The following MALT1 variants were observed in gnomAD, a reference collection of about 807,000 sequenced individuals.
The protein encoded by MALT1 is MALT1 paracaspase.
In MALT1, 36 loss-of-function variants were observed where a neutral mutation model predicts 85.5. The observed-to-expected ratio is 0.42, with a 90% CI of 0.32 to 0.56. MALT1 has a LOEUF of 0.56. Among genes scored for constraint, MALT1 ranks in the 20% least tolerant of loss-of-function variants. The probability of loss-of-function intolerance (pLI) is 0.10; values close to 1 mark genes in which losing one functional copy is unlikely to be tolerated. For synonymous variants in MALT1, 359 were observed against 361.3 expected (o/e 0.99, Z 0.07); for missense variants, 716 against 981.6 (o/e 0.73, Z 3.62).
intron 2 of MALT1, among the ~76,000 whole-genome samples, chr18:58,696,073 A>G (rs1380664845): frequency 2.0e-5 from 3 of 152,258 alleles, no homozygotes; most frequent in South Asian, 2.1e-4. Context: ...AATATGGGGG[A>G]AAAAAGCTTC....
At chr18:58,701,149 ATATG>A (rs1436145846) in intron 4 of MALT1, among the ~76,000 whole-genome samples, 1 of 61,244 alleles carries the variant, frequency 1.6e-5, no homozygotes, top group African/African-American at 3.0e-5. Flanking sequence ...ACACACACAT[ATATG>A]TGTGTGTGCA....
chr18:58,679,536 C>T (rs1013417579), intron 1 of MALT1, among the ~76,000 whole-genome samples: 1 of 152,224 alleles, frequency 6.6e-6, no homozygotes, highest in African/African-American at 2.4e-5. Flanking sequence ...TTTCTAGGTA[C>T]TTAGAAGTAC....
rs1418103436 is a variant in MALT1 at position 58,709,444 on chromosome 18, T to G, written c.716T>G (p.Met239Arg). 2 of 1,612,752 alleles carry G rather than the reference T, an allele frequency of 1.2e-6. No homozygotes were observed. Among genetic ancestry groups the G allele is most frequent in the Admixed American group, 1.7e-5 (1 of 59,792 alleles). ...ICVEPTSQKL[M>R]PGSTLVLQCV... Reference sequence around the variant, plus strand: ...GTTGAACCAACTTCCCAAAAGCTGATGCCAGGCAGCACATTGGTTTTACAG... The same window carrying G: ...GTTGAACCAACTTCCCAAAAGCTGAGGCCAGGCAGCACATTGGTTTTACAG... The change falls in exon 5 of 17, where the codon ATG becomes AGG. Residue 239 changes from methionine to arginine, a missense_variant. Physicochemically the swap from Met to Arg is moderately conservative, Grantham distance 91 (BLOSUM62 -1). Around this residue, in one of 4 missense-constraint regions of MALT1, gnomAD observed 290 missense variants for 380.5 expected, o/e 0.76. Coordinates refer to ENST00000649217, the MANE Select transcript of MALT1 (RefSeq NM_006785.4).
At chr18:58,727,767 G>C (rs1197578410) in intron 10 of MALT1, among the ~76,000 whole-genome samples, 1 of 152,114 alleles carries the variant, frequency 6.6e-6, no homozygotes, top group Non-Finnish European at 1.5e-5. Flanking sequence ...TATAGAGACA[G>C]TATCATATAG....
intron 3 of MALT1, among the ~76,000 whole-genome samples, chr18:58,699,419 T>C (rs1205896985): frequency 6.6e-6 from 1 of 152,170 alleles, no homozygotes; most frequent in African/African-American, 2.4e-5. Context: ...CAAAATACTC[T>C]TGCTTTGGTG....
intron 2 of MALT1, 63 bp downstream of exon 2, chr18:58,681,399 C>G (rs2054320703): frequency 6.2e-6 from 9 of 1,459,602 alleles, no homozygotes; most frequent in Non-Finnish European, 9.3e-7. Context: ...AAGAAATTAT[C>G]TCTTTTGACC....
chr18:58,731,848 T>C (rs970113779), intron 10 of MALT1, among the ~76,000 whole-genome samples: 1 of 152,184 alleles, frequency 6.6e-6, no homozygotes, highest in African/African-American at 2.4e-5. Flanking sequence ...ACTTTGTCCT[T>C]CTTTTTTGTT....
Position 58,734,323 on chromosome 18 carries a change from AC to A in MALT1, c.1419del (p.Ile474PhefsTer7). 1 of 1,612,864 alleles carries A rather than the reference AC, an allele frequency of 6.2e-7. No homozygotes were observed. Among genetic ancestry groups the A allele is most frequent in the Non-Finnish European group, 8.5e-7 (1 of 1,178,836 alleles). On this transcript the variant is annotated frameshift_variant, in exon 12 of 17. Transcript: ENST00000649217. LOFTEE classifies it high-confidence loss of function. ...CTTAAATAGAAATGACTACGATGAT[AC>A]CATTCCAATCTTGGATGCACTAAAA... ...MCRKRNDYDD[T>X]IPILDALKVT...
At chr18:58,691,043 A>C (rs2054490712) in intron 2 of MALT1, 2 of 266,626 alleles carry the variant, frequency 7.5e-6, no homozygotes. Flanking sequence ...CACCACCTGG[A>C]ATTGTGTCTG....
At position 58,681,330 on chromosome 18, in the gene MALT1, C is replaced by A. The variant is rs1000959871; in HGVS notation, c.370C>A (p.Pro124Thr). The change falls in exon 2 of 17, where the codon CCC becomes ACC. Residue 124 changes from proline to threonine, a missense_variant. By Grantham distance (38) the Pro-to-Thr change is conservative. Coordinates refer to ENST00000649217, the MANE Select transcript of MALT1 (RefSeq NM_006785.4). The stretch of plus-strand genomic sequence containing the variant: ...CACTGAAGTTCTTCAGCTTCTCAGC[C>A]CCCCAGGTAGGTTTTGTTCTTAGGA... ...EHTEVLQLLS[P>T]PGIKITVNPE... 1 of 1,612,648 alleles carries A rather than the reference C, an allele frequency of 6.2e-7. No individual in the cohort carries two copies. Among genetic ancestry groups the A allele is most frequent in the Admixed American group, 1.7e-5 (1 of 59,808 alleles).
At chr18:58,727,571 G>GGCCA in intron 10 of MALT1, among the ~76,000 whole-genome samples, 1 of 151,026 alleles carries the variant, frequency 6.6e-6, no homozygotes, top group African/African-American at 2.4e-5. Context: ...CCTCCCAAAA[G>GGCCA]GCCAGGCGTG....
chr18:58,700,128 G>A (rs1045287972), intron 3 of MALT1, among the ~76,000 whole-genome samples: 3 of 152,198 alleles, frequency 2.0e-5, no homozygotes, highest in East Asian at 1.9e-4. Flanking sequence ...TGTTGCAGTT[G>A]TAGATTCTTT....
chr18:58,741,488 A>G (rs2055301388), intron 13 of MALT1: 1 of 153,168 alleles, frequency 6.5e-6, no homozygotes, highest in African/African-American at 2.4e-5. Flanking sequence ...AATTTATAAC[A>G]TAGTAGACAG....
At chr18:58,730,880 A>G (rs565480253) in intron 10 of MALT1, among the ~76,000 whole-genome samples, 37 of 152,126 alleles carry the variant, frequency 2.4e-4, no homozygotes, top group Non-Finnish European at 4.4e-4. Flanking sequence ...GCATCTTTTC[A>G]TGTGCATATT....
intron 9 of MALT1, among the ~76,000 whole-genome samples, chr18:58,720,806 GA>G (rs1186675386): frequency 6.6e-6 from 1 of 152,072 alleles, no homozygotes; most frequent in African/African-American, 2.4e-5. Flanking sequence ...GTATTCCATG[GA>G]AAAATGGAAT....
intron 1 of MALT1, 55 bp downstream of exon 1, chr18:58,671,907 G>C: frequency 8.7e-7 from 1 of 1,154,634 alleles, no homozygotes; most frequent in Non-Finnish European, 1.1e-6. Flanking sequence ...GTGGGCTGCG[G>C]TGGGGAGGTG....
chr18:58,676,968 T>A (rs910071601), intron 1 of MALT1, among the ~76,000 whole-genome samples: 15 of 152,308 alleles, frequency 9.8e-5, no homozygotes, highest in African/African-American at 2.4e-4. Flanking sequence ...GATTATATAT[T>A]TTTTTAAAGA....
At chr18:58,683,649 A>C (rs2054355446) in intron 2 of MALT1, among the ~76,000 whole-genome samples, 1 of 152,250 alleles carries the variant, frequency 6.6e-6, no homozygotes, top group Non-Finnish European at 1.5e-5. Flanking sequence ...CCAGCAACTA[A>C]TAAAGTGCCA....
intron 1 of MALT1, among the ~76,000 whole-genome samples, chr18:58,674,899 C>G (rs2054217902): frequency 6.6e-6 from 1 of 152,146 alleles, no homozygotes; most frequent in Non-Finnish European, 1.5e-5. Context: ...CATCTTTCCT[C>G]AAACTGGGTG....
Sources: gnomAD v4.1 joint callset for allele counts (sites outside exome capture counted in the v4.1 genomes callset) on GRCh38, gnomAD v4.1.1 for gene constraint, gnomAD v4.1.1 regional missense constraint, MANE v1.5 for transcripts, NCBI Gene and HGNC (gene_info 2026-07-23, HGNC 2026-07-21) for gene names.